FAM241A: variants seen among roughly 807,000 people sequenced by gnomAD.
FAM241A encodes the protein uncharacterized protein FAM241A.
A neutral mutation model predicts 12.2 loss-of-function variants in FAM241A; 7 were observed. The ratio of observed to expected loss-of-function variants is 0.58; its 90% CI spans 0.33 to 1.08. The LOEUF is 1.08. Among genes scored for constraint, FAM241A ranks in the 50% least tolerant of loss-of-function variants. The pLI, the probability that FAM241A is intolerant of heterozygous loss-of-function variation, is 0.04. For missense variants in FAM241A, 161 were observed against 169.7 expected (o/e 0.95, Z 0.29); for synonymous variants, 74 against 68.2 (o/e 1.08, Z -0.42).
chr4:112,163,035 C>A (rs113895201), intron 1 of FAM241A, among the ~76,000 whole-genome samples: 13 of 152,200 alleles, frequency 8.5e-5, no homozygotes, highest in African/African-American at 3.1e-4. Context: ...CTTTGACAAA[C>A]CTGAGAAAAA....
rs1269851459 is a variant in FAM241A at position 112,191,155 on chromosome 4, C to T, written c.*4217C>T. The T allele has an allele frequency of 6.6e-6, 1 of 152,168 alleles. No individual in the cohort carries two copies. Among genetic ancestry groups the T allele is most frequent in the African/African-American group, 2.4e-5 (1 of 41,444 alleles). 9.4% of individuals were successfully genotyped at this position (152,168 alleles called of 1,614,324 possible). A position where few individuals can be genotyped will look rare whatever the true frequency, so the allele number is the denominator to read the frequency against. ...TGACACAATCCTTTCCCTAACTGCT[C>T]AAGCAGGAGTTGTAGATGACATCCT... On this transcript the variant is annotated 3_prime_UTR_variant, in exon 2 of 2. Transcript: ENST00000309733.
intron 1 of FAM241A, among the ~76,000 whole-genome samples, chr4:112,160,492 A>G (rs976070819): frequency 2.0e-5 from 3 of 152,126 alleles, no homozygotes; most frequent in African/African-American, 7.2e-5. Context: ...GAAGCAACCT[A>G]CAGATTCAAC....
In FAM241A at chr4:112,192,495, C is replaced by A. The variant is rs1484350446; in HGVS notation, c.*5557C>A. ...ATATCTCCTAATGCTATCCCTCTCC[C>A]CTCCCCCCACCCCACAACAGTCCCC... On this transcript the variant is annotated 3_prime_UTR_variant, in exon 2 of 2. Transcript: ENST00000309733. 1 of 116,794 alleles carries A rather than the reference C, an allele frequency of 8.6e-6. No individual in the cohort carries two copies. The highest frequency in any genetic ancestry group is 1.7e-5 in the Non-Finnish European group (1 of 58,092). 7.2% of individuals were successfully genotyped at this position (116,794 alleles called of 1,614,324 possible).
At chr4:112,182,141 G>A (rs758107119) in intron 1 of FAM241A, among the ~76,000 whole-genome samples, 1 of 151,872 alleles carries the variant, frequency 6.6e-6, no homozygotes, top group Non-Finnish European at 1.5e-5. Flanking sequence ...AGAGGGAGGG[G>A]GTCAAGAATG....
intron 1 of FAM241A, among the ~76,000 whole-genome samples, chr4:112,163,497 A>G (rs1273857522): frequency 5.3e-5 from 8 of 152,222 alleles, no homozygotes; most frequent in Non-Finnish European, 1.0e-4. Flanking sequence ...AAAAGTGGGC[A>G]AAGGATATGA....
chr4:112,155,321 A>C (rs1273510014), intron 1 of FAM241A, among the ~76,000 whole-genome samples: 1 of 152,262 alleles, frequency 6.6e-6, no homozygotes, highest in South Asian at 2.1e-4. Context: ...AAAATGAAAA[A>C]TGAATGCAAA....
Position 112,193,451 on chromosome 4 carries a change from G to T in FAM241A, c.*6513G>T, listed in dbSNP as rs1006049105. ...CCTATGTCCTGAATGGTAATGCCTA[G>T]GTTTTCTTCTAGGGTTTTTATGGTT... On this transcript the variant is annotated 3_prime_UTR_variant, in exon 2 of 2. Coordinates refer to ENST00000309733, the MANE Select transcript of FAM241A (RefSeq NM_152400.3). The T allele has an allele frequency of 5.3e-5, 8 of 152,102 alleles. No homozygotes were observed. The highest frequency in any genetic ancestry group is 1.2e-4 in the Non-Finnish European group (8 of 68,024). 9.4% of individuals were successfully genotyped at this position (152,102 alleles called of 1,614,324 possible). A position where few individuals can be genotyped will look rare whatever the true frequency, so the allele number is the denominator to read the frequency against.
intron 1 of FAM241A, among the ~76,000 whole-genome samples, chr4:112,148,817 A>G (rs1678347622): frequency 6.6e-6 from 1 of 152,230 alleles, no homozygotes; most frequent in South Asian, 2.1e-4. Context: ...CTGAAAGGCT[A>G]AACATCTCTA....
At position 112,155,186 on chromosome 4, in the gene FAM241A, C is replaced by T. The variant is rs191871282; in HGVS notation, c.153+9453C>T. On this transcript the variant is annotated intron_variant, in intron 1 of 1. Transcript: ENST00000309733. ...TAACCATTTCTTTCTCTACAATAGG[C>T]AGCTGTTCCAATACGTCTGTTAGAT... Among the ~76,000 whole-genome samples, 66 of 152,292 alleles carry T rather than the reference C, an allele frequency of 4.3e-4. 1 individual carries two copies. Among genetic ancestry groups the T allele is most frequent in the Admixed American group, 2.7e-3 (42 of 15,300 alleles).
intron 1 of FAM241A, among the ~76,000 whole-genome samples, chr4:112,163,413 G>T (rs1424769833): frequency 6.6e-6 from 1 of 152,162 alleles, no homozygotes; most frequent in African/African-American, 2.4e-5. Context: ...CTACCCATCT[G>T]ACAAAGGGCT....
Position 112,145,556 on chromosome 4 carries a change from C to G in FAM241A, c.-25C>G, listed in dbSNP as rs1339800604. On this transcript the variant is annotated 5_prime_UTR_variant, in exon 1 of 2. Coordinates refer to ENST00000309733, the MANE Select transcript of FAM241A (RefSeq NM_152400.3). The stretch of plus-strand genomic sequence containing the variant: ...GCGGCGTGGTCCTCCGGCGGCTGTC[C>G]GGGGCGGTAGGAGTTGGCTGCGGGA... 3.2e-6 allele frequency: 4 copies of G among 1,243,304 alleles called. No homozygotes were observed. The highest frequency in any genetic ancestry group is 4.0e-6 in the Non-Finnish European group (4 of 992,210). The allele number at this position is 1,243,304 out of a possible 1,614,324, so 77.0% of individuals were successfully genotyped here. A position where few individuals can be genotyped will look rare whatever the true frequency, so the allele number is the denominator to read the frequency against.
chr4:112,146,115 T>C (rs1723132482), intron 1 of FAM241A, among the ~76,000 whole-genome samples: 1 of 152,196 alleles, frequency 6.6e-6, no homozygotes, highest in Non-Finnish European at 1.5e-5. Context: ...GTCCGTGCCC[T>C]GCGCCAGGTT....
At chr4:112,169,678 A>G (rs1435310093) in intron 1 of FAM241A, among the ~76,000 whole-genome samples, 1 of 152,204 alleles carries the variant, frequency 6.6e-6, no homozygotes, top group Non-Finnish European at 1.5e-5. Flanking sequence ...AGCCTAAAAG[A>G]AACAGGGAAA....
chr4:112,167,159 T>G (rs1723617369), intron 1 of FAM241A, among the ~76,000 whole-genome samples: 1 of 151,680 alleles, frequency 6.6e-6, no homozygotes, highest in Non-Finnish European at 1.5e-5. Context: ...CTAATAATTT[T>G]TTCTTGGCCA....
rs534841196 is a variant in FAM241A at position 112,170,199 on chromosome 4, G to C, written c.154-16494G>C. On this transcript the variant is annotated intron_variant, in intron 1 of 1. Transcript: ENST00000309733. ...TTCCATGATCGTTGGAGCACATTCT[G>C]CTCATGTTAGAAGTTCATTGTTCTT... Among the ~76,000 whole-genome samples, 6 of 152,250 alleles carry C rather than the reference G, an allele frequency of 3.9e-5. No individual in the cohort carries two copies. In the South Asian group the frequency reaches 1.2e-3, roughly 32 times the overall value.
intron 1 of FAM241A, among the ~76,000 whole-genome samples, chr4:112,179,286 T>C (rs1261188577): frequency 6.6e-6 from 1 of 152,134 alleles, no homozygotes; most frequent in Admixed American, 6.6e-5. Context: ...CTACTCACAA[T>C]AGCAAAGACT....
intron 1 of FAM241A, among the ~76,000 whole-genome samples, chr4:112,179,941 A>ATATATATATATATATATG: frequency 8.0e-6 from 1 of 124,438 alleles, no homozygotes; most frequent in Admixed American, 8.6e-5. Flanking sequence ...ATATATATGT[A>ATATATATATATATATATG]TATGTGTGTG....
intron 1 of FAM241A, among the ~76,000 whole-genome samples, chr4:112,175,565 C>T (rs1247548616): frequency 3.3e-5 from 5 of 151,936 alleles, no homozygotes; most frequent in Non-Finnish European, 5.9e-5. Context: ...GTCAGGAGTT[C>T]GAGACCAGCC....
rs201826110 is a variant in FAM241A, at chr4:112,183,295, AAAG to A, written c.154-3388_154-3386del. On this transcript the variant is annotated intron_variant, in intron 1 of 1. Transcript: ENST00000309733. ...CTTAAATTTTTTTATAATTAAAAAA[AAAG>A]AAGAAGAAGCAGGCTGCAACAGCCA... is the stretch of plus-strand genomic sequence containing the variant. Among the ~76,000 whole-genome samples the A allele has an allele frequency of 8.9e-3, 1,353 of 152,224 alleles. 12 individuals carry two copies. Among genetic ancestry groups the A allele is most frequent in the Non-Finnish European group, 0.012 (820 of 68,008 alleles).
Sources: gnomAD v4.1 joint callset for allele counts (sites outside exome capture counted in the v4.1 genomes callset) on GRCh38, gnomAD v4.1.1 for gene constraint, MANE v1.5 for transcripts, NCBI Gene and HGNC (gene_info 2026-07-23, HGNC 2026-07-21) for gene names.